MEOX2: variants seen among roughly 807,000 people sequenced by gnomAD.
The protein encoded by MEOX2 is homeobox protein MOX-2.
In MEOX2, 11 loss-of-function variants were observed where a neutral mutation model predicts 27.0. The ratio of observed to expected loss-of-function variants is 0.41; its 90% confidence interval spans 0.26 to 0.68. MEOX2 has a LOEUF of 0.68. Among genes scored for constraint, MEOX2 ranks in the 30% least tolerant of loss-of-function variants. The pLI is 0.33. For synonymous variants in MEOX2, 189 were observed against 155.4 expected, an observed-to-expected ratio of 1.22 and a Z score of -1.61; for missense variants, 436 against 385.4, an observed-to-expected ratio of 1.13 and a Z score of -1.10.
chr7:15,661,012 C>CAAAAAAAAAAAAAAAA (rs71004402), intron 1 of MEOX2, among the ~76,000 whole-genome samples: 1 of 44,338 alleles, frequency 2.3e-5, no homozygotes. Context: ...GACTCAGTCT[C>CAAAAAAAAAAAAAAAA]AAAAAAAAAA....
chr7:15,650,400 C>CA (rs1333600024), intron 1 of MEOX2, among the ~76,000 whole-genome samples: 1 of 152,058 alleles, frequency 6.6e-6, no homozygotes, highest in Non-Finnish European at 1.5e-5. Context: ...TATCTTAGTG[C>CA]AATTCACACT....
intron 1 of MEOX2, among the ~76,000 whole-genome samples, chr7:15,666,439 C>T (rs1782004654): frequency 6.6e-6 from 1 of 151,930 alleles, no homozygotes; most frequent in African/African-American, 2.4e-5. Flanking sequence ...CTTCACAAAC[C>T]TTGGTGCATG....
chr7:15,659,811 GC>G (rs1781883362), intron 1 of MEOX2, among the ~76,000 whole-genome samples: 1 of 145,640 alleles, frequency 6.9e-6, no homozygotes, highest in Non-Finnish European at 1.5e-5. Context: ...ATGATTTTTA[GC>G]AGTTTTATGC....
In MEOX2 at chr7:15,643,295, G is replaced by T. The variant is rs543094355; in HGVS notation, c.518-16377C>A. The stretch of plus-strand genomic sequence containing the variant: ...GTGGGGCTGGGGCTCCTGGGGGTAT[G>T]TTCTGCACTCTGCTGCCAAGGTAGC... On this transcript the variant is annotated intron_variant, in intron 1 of 2. Transcript: ENST00000262041. 1.5e-3 allele frequency among the ~76,000 whole-genome samples: 224 copies of T among 152,270 alleles called. 2 individuals carry two copies. The highest frequency in any genetic ancestry group is 5.3e-3 in the African/African-American group (220 of 41,564).
chr7:15,653,232 G>A (rs548316485), intron 1 of MEOX2, among the ~76,000 whole-genome samples: 30 of 151,882 alleles, frequency 2.0e-4, no homozygotes, highest in Non-Finnish European at 4.0e-4. Flanking sequence ...CCAAATAGCA[G>A]ATAATAATGT....
intron 2 of MEOX2, among the ~76,000 whole-genome samples, chr7:15,614,713 A>C (rs996572756): frequency 1.3e-5 from 2 of 152,094 alleles, no homozygotes; most frequent in Admixed American, 6.6e-5. Flanking sequence ...TTTATAATAA[A>C]CCTTTATATT....
intron 1 of MEOX2, among the ~76,000 whole-genome samples, chr7:15,627,153 T>A (rs570313531): frequency 6.6e-6 from 1 of 152,160 alleles, no homozygotes; most frequent in African/African-American, 2.4e-5. Context: ...AATTTTCTTC[T>A]TATAAAATAT....
chr7:15,662,272 T>C (rs931994955), intron 1 of MEOX2, among the ~76,000 whole-genome samples: 4 of 152,062 alleles, frequency 2.6e-5, no homozygotes, highest in African/African-American at 9.7e-5. Flanking sequence ...AATATTAATG[T>C]CATACATAAT....
chr7:15,639,619 A>G (rs1257061281), intron 1 of MEOX2, among the ~76,000 whole-genome samples: 1 of 151,970 alleles, frequency 6.6e-6, no homozygotes, highest in Non-Finnish European at 1.5e-5. Flanking sequence ...GATCTTTGGT[A>G]CATCTTCAGT....
chr7:15,650,675 A>G (rs1313079662), intron 1 of MEOX2, among the ~76,000 whole-genome samples: 1 of 152,052 alleles, frequency 6.6e-6, no homozygotes, highest in Non-Finnish European at 1.5e-5. Flanking sequence ...CAGGAGAGAG[A>G]AGAAATAGAG....
chr7:15,612,871 C>T (rs1781055144), intron 2 of MEOX2, among the ~76,000 whole-genome samples: 1 of 152,150 alleles, frequency 6.6e-6, no homozygotes, highest in South Asian at 2.1e-4. Flanking sequence ...TGGAACTAAA[C>T]AAAAACTTTG....
chr7:15,662,539 G>T (rs1048878475), intron 1 of MEOX2, among the ~76,000 whole-genome samples: 1 of 151,976 alleles, frequency 6.6e-6, no homozygotes, highest in African/African-American at 2.4e-5. Flanking sequence ...CAAAAGGACT[G>T]GGAAAATTAA....
chr7:15,656,437 C>CTT (rs1188980982), intron 1 of MEOX2, among the ~76,000 whole-genome samples: 4 of 143,760 alleles, frequency 2.8e-5, no homozygotes, highest in African/African-American at 1.0e-4. Flanking sequence ...TCATGTTTTT[C>CTT]TTTTTTTTTT....
At chr7:15,651,416 A>G (rs766070912) in intron 1 of MEOX2, among the ~76,000 whole-genome samples, 2 of 152,062 alleles carry the variant, frequency 1.3e-5, no homozygotes, top group Non-Finnish European at 2.9e-5. Context: ...TTGCAATGCA[A>G]TACTATTTCT....
At chr7:15,612,968 C>G (rs912805981) in intron 2 of MEOX2, among the ~76,000 whole-genome samples, 2 of 152,162 alleles carry the variant, frequency 1.3e-5, no homozygotes, top group African/African-American at 2.4e-5. Flanking sequence ...CAAAGCCCCC[C>G]ACTCCTAAGT....
chr7:15,616,716 G>T (rs928947364), intron 2 of MEOX2, among the ~76,000 whole-genome samples: 2 of 151,772 alleles, frequency 1.3e-5, no homozygotes, highest in South Asian at 2.1e-4. Context: ...TATATAATAA[G>T]ATTAATTTAT....
chr7:15,662,021 C>T (rs1374535373), intron 1 of MEOX2, among the ~76,000 whole-genome samples: 2 of 152,008 alleles, frequency 1.3e-5, no homozygotes, highest in Admixed American at 1.3e-4. Context: ...TCATCTGAAG[C>T]AAGTCCATCC....
Position 15,612,619 on chromosome 7 carries a change from C to G in MEOX2, c.691-8G>C. The G allele has an allele frequency of 6.2e-7, 1 of 1,609,930 alleles. No individual in the cohort carries two copies. Among genetic ancestry groups the G allele is most frequent in the Middle Eastern group, 1.7e-4 (1 of 6,048 alleles). On this transcript the variant is annotated splice_polypyrimidine_tract_variant and splice_region_variant and intron_variant, in intron 2 of 2. Transcript: ENST00000262041. ...TTGGAACCAGACTTTCACCTTCAAC[C>G]AAGAAAGGGAACAAACAAACAGAAA...
intron 1 of MEOX2, among the ~76,000 whole-genome samples, chr7:15,650,731 T>A (rs1250292852): frequency 2.0e-5 from 3 of 152,114 alleles, no homozygotes; most frequent in Non-Finnish European, 2.9e-5. Context: ...TCCATACTTT[T>A]AAAATTTTGA....
Sources: allele counts gnomAD v4.1 joint callset (sites outside exome capture counted in the v4.1 genomes callset), GRCh38; gene constraint gnomAD v4.1.1; transcripts MANE v1.5; gene names NCBI Gene and HGNC (gene_info 2026-07-23, HGNC 2026-07-21).